Variants in ABCB11 observed in about 807,000 individuals in gnomAD.
ABCB11 encodes bile salt export pump.
A neutral mutation model predicts 148.0 loss-of-function variants in ABCB11; 95 were observed. The observed-to-expected ratio is 0.64, with a 90% CI of 0.54 to 0.76. The LOEUF (loss-of-function observed/expected upper bound fraction) is 0.76, where lower values mean the gene tolerates loss of function less well. ABCB11 is among the 30% of genes least tolerant of loss of function. The probability of loss-of-function intolerance (pLI) is 0.00; values close to 1 mark genes in which losing one functional copy is unlikely to be tolerated. For synonymous variants in ABCB11, 591 were observed against 555.4 expected, an observed-to-expected ratio of 1.06 and a Z score of -0.90; for missense variants, 1,523 against 1,617.8, an observed-to-expected ratio of 0.94 and a Z score of 1.01.
At position 168,979,954 on chromosome 2, in the gene ABCB11, G is replaced by A. The variant is rs1362474671; in HGVS notation, c.1109C>T (p.Ala370Val). The change falls in exon 11 of 28, where the codon GCT becomes GTT. Residue 370 changes from alanine (A) to valine (V), a missense_variant. Physicochemically the swap from Ala to Val is moderately conservative, Grantham distance 64 (BLOSUM62 0). Coordinates refer to ENST00000650372, the MANE Select transcript of ABCB11 (RefSeq NM_003742.4). ...VQIFLSVIVG[A>V]LNLGNASPCL... ...AGGAGAGGCATTGCCAAGATTTAAAGCTCCTACTATGACACTGAGGAAAAT... is the reference window on the plus strand; with the variant it reads ...AGGAGAGGCATTGCCAAGATTTAAAACTCCTACTATGACACTGAGGAAAAT... 1 of 1,609,096 alleles carries A rather than the reference G, an allele frequency of 6.2e-7. No individual in the cohort carries two copies. The highest frequency in any genetic ancestry group is 8.5e-7 in the Non-Finnish European group (1 of 1,176,466).
At position 168,996,731 on chromosome 2, in the gene ABCB11, G is replaced by A; in HGVS notation, c.390-9C>T. ...TCTCGATGTTCAGCAACCTTCAAAA[G>A]AGGGAAAAGAATGTTCAGACTTGCA... On this transcript the variant is annotated splice_polypyrimidine_tract_variant and intron_variant, in intron 5 of 27. Coordinates refer to ENST00000650372, the MANE Select transcript of ABCB11 (RefSeq NM_003742.4). The A allele has an allele frequency of 6.5e-7, 1 of 1,532,322 alleles. No individual in the cohort carries two copies. The highest frequency in any genetic ancestry group is 8.8e-7 in the Non-Finnish European group (1 of 1,133,528). The allele number at this position is 1,532,322 out of a possible 1,614,324, so 94.9% of individuals were successfully genotyped here.
chr2:168,943,914 T>G (rs1057420587), intron 21 of ABCB11, among the ~76,000 whole-genome samples: 3 of 152,000 alleles, frequency 2.0e-5, no homozygotes, highest in African/African-American at 7.2e-5. Flanking sequence ...AAAAATAATT[T>G]TAAATTAGGG....
intron 5 of ABCB11, among the ~76,000 whole-genome samples, chr2:169,003,792 G>A (rs2892806): frequency 0.061 from 9,326 of 152,162 alleles, 323 homozygotes; most frequent in African/African-American, 0.062. Flanking sequence ...CATTCTTGCA[G>A]GAGTGAGATG....
At chr2:168,954,786 G>T (rs1020391662) in intron 19 of ABCB11, among the ~76,000 whole-genome samples, 1 of 151,630 alleles carries the variant, frequency 6.6e-6, no homozygotes, top group African/African-American at 2.4e-5. Context: ...GACTTGGGAG[G>T]TTGTTATTGA....
At chr2:169,025,521 C>A (rs961262937) in intron 1 of ABCB11, among the ~76,000 whole-genome samples, 2 of 152,194 alleles carry the variant, frequency 1.3e-5, no homozygotes, top group African/African-American at 4.8e-5. Context: ...ACCCCATCTG[C>A]CCTTCCAGGG....
rs775226239 is a variant in ABCB11 at position 168,970,318 on chromosome 2, G to A, written c.1639-103C>T. The A allele has an allele frequency of 2.1e-5, 32 of 1,544,764 alleles. No individual in the cohort carries two copies. The Middle Eastern group carries it at 5.0e-4, about 24-fold the overall frequency. On this transcript the variant is annotated intron_variant, in intron 14 of 27. Transcript: ENST00000650372. ...CTGTCATAGTTTTCTTCTCAAGCAC[G>A]AATTTTCACTGCTCCGACTTCCACT...
rs1198057132 is a variant in ABCB11 at position 169,018,092 on chromosome 2, T to C, written c.34A>G (p.Lys12Glu). Reference sequence around the variant, plus strand: ...AAACCATCATTCTCCTCTCCAAATTTCTTTATACTTCGAAGAATTACTGAG... The same window carrying C: ...AAACCATCATTCTCCTCTCCAAATTCCTTTATACTTCGAAGAATTACTGAG... ...SDSVILRSIK[K>E]FGEENDGFES... The change falls in exon 2 of 28, where the codon AAA (lysine) becomes GAA (glutamate). Residue 12 changes from lysine to glutamate, a missense_variant. Coordinates refer to ENST00000650372, the MANE Select transcript of ABCB11 (RefSeq NM_003742.4). 6.2e-7 allele frequency: 1 copy of C among 1,613,644 alleles called. No individual in the cohort carries two copies. The highest frequency in any genetic ancestry group is 8.5e-7 in the Non-Finnish European group (1 of 1,179,692).
chr2:169,001,602 T>C (rs1694875962), intron 5 of ABCB11, among the ~76,000 whole-genome samples: 1 of 152,162 alleles, frequency 6.6e-6, no homozygotes, highest in Non-Finnish European at 1.5e-5. Context: ...GAAGAGTCTA[T>C]GCTCCCAAAT....
At chr2:168,972,298 T>C (rs1261271411) in intron 13 of ABCB11, among the ~76,000 whole-genome samples, 1 of 150,430 alleles carries the variant, frequency 6.6e-6, no homozygotes, top group African/African-American at 2.4e-5. Context: ...TTTAACACCA[T>C]TGGCCCAGGA....
At chr2:168,937,664 A>G (rs1190470284) in intron 21 of ABCB11, among the ~76,000 whole-genome samples, 1 of 152,196 alleles carries the variant, frequency 6.6e-6, no homozygotes, top group African/African-American at 2.4e-5. Context: ...GCTTGAGGTA[A>G]TATTACTTAT....
intron 17 of ABCB11, among the ~76,000 whole-genome samples, chr2:168,967,417 A>G (rs1479276272): frequency 6.6e-6 from 1 of 151,964 alleles, no homozygotes; most frequent in Non-Finnish European, 1.5e-5. Flanking sequence ...TAGGGCCTGA[A>G]GTATTTATCT....
At chr2:168,935,126 C>A in intron 23 of ABCB11, 58 bp downstream of exon 23, 1 of 1,597,354 alleles carries the variant, frequency 6.3e-7, no homozygotes, top group Non-Finnish European at 8.6e-7. Flanking sequence ...ACTGACAGAA[C>A]CAGGCTATTC....
At chr2:168,930,626 T>C (rs1691522577) in intron 25 of ABCB11, 39 bp downstream of exon 25, 1 of 1,453,104 alleles carries the variant, frequency 6.9e-7, no homozygotes, top group Non-Finnish European at 9.1e-7. Flanking sequence ...GGAAATACTC[T>C]GCAGAAGGCA....
intron 4 of ABCB11, 29 bp from the exon 5 acceptor site, chr2:169,013,539 C>T (rs373367057): frequency 6.3e-7 from 1 of 1,583,104 alleles, no homozygotes; most frequent in Non-Finnish European, 8.7e-7. Flanking sequence ...CAGAGATCAT[C>T]TATGGGTGAA....
chr2:168,955,206 A>C (rs924807968), intron 19 of ABCB11, among the ~76,000 whole-genome samples: 5 of 151,706 alleles, frequency 3.3e-5, no homozygotes, highest in African/African-American at 1.2e-4. Flanking sequence ...GCATTTTACT[A>C]TCTTTAAAAA....
intron 10 of ABCB11, among the ~76,000 whole-genome samples, chr2:168,982,290 T>TTGACTTCA (rs2105989127): frequency 6.6e-6 from 1 of 152,270 alleles, no homozygotes; most frequent in Admixed American, 6.6e-5. Context: ...TCAATATTTC[T>TTGACTTCA]TGACTTCATG....
In ABCB11 at chr2:168,923,817, C is replaced by A. The variant is rs1329421610; in HGVS notation, c.3771G>T (p.Val1257=). 6 of 1,613,768 alleles carry A rather than the reference C, an allele frequency of 3.7e-6. No individual in the cohort carries two copies. The highest frequency in any genetic ancestry group is 1.7e-5 in the Admixed American group (1 of 59,994). The change falls in exon 28 of 28, where the codon GTG becomes GTT. Residue 1257 remains valine, a synonymous_variant. Transcript: ENST00000650372. ...CTCTGGCTTTGTCTAGAGCAACCTG[C>A]ACCGTCTGCAAAGAGAAGATGGAAA... ...SALDTESEKT[V]QVALDKAREG... is the part of the protein sequence containing the mutation.
Position 169,031,243 on chromosome 2 carries a change from G to A in ABCB11, c.-46C>T, listed in dbSNP as rs1371892078. The A allele has an allele frequency of 6.6e-6, 1 of 152,138 alleles. No individual in the cohort carries two copies. The highest frequency in any genetic ancestry group is 1.5e-5 in the Non-Finnish European group (1 of 68,020). The allele number at this position is 152,138 out of a possible 1,614,324, so 9.4% of individuals were successfully genotyped here. On this transcript the variant is annotated 5_prime_UTR_variant, in exon 1 of 28. Transcript: ENST00000650372. Reference sequence around the variant, plus strand: ...TACTTACCTGTGAATATGAATTTGAGGAAGCCAGAGGAAATAATGGACTCC... The same window carrying A: ...TACTTACCTGTGAATATGAATTTGAAGAAGCCAGAGGAAATAATGGACTCC...
intron 1 of ABCB11, among the ~76,000 whole-genome samples, chr2:169,027,408 T>A (rs995724027): frequency 2.0e-5 from 3 of 152,244 alleles, no homozygotes; most frequent in African/African-American, 7.2e-5. Context: ...CGCTTCTGTT[T>A]AACTATTCAG....
Sources: gnomAD v4.1 joint callset for allele counts (sites outside exome capture counted in the v4.1 genomes callset) on GRCh38, gnomAD v4.1.1 for gene constraint, MANE v1.5 for transcripts, NCBI Gene and HGNC (gene_info 2026-07-23, HGNC 2026-07-21) for gene names.